The following RTBDN variants were observed in gnomAD, a reference collection of about 807,000 sequenced individuals.
RTBDN encodes retbindin.
Under a neutral mutation model 21.9 loss-of-function variants are expected in RTBDN, and 24 were observed. The observed-to-expected ratio is 1.10, with a 90% confidence interval of 0.79 to 1.54. The LOEUF is 1.54. Ranked by LOEUF, RTBDN falls within the 40% of genes most tolerant of loss-of-function variation. The probability of loss-of-function intolerance (pLI) is 0.00; values close to 1 mark genes in which losing one functional copy is unlikely to be tolerated. For missense variants in RTBDN, 325 were observed against 315.2 expected (o/e 1.03, Z -0.23); for synonymous variants, 141 against 125.9 (o/e 1.12, Z -0.80).
At chr19:12,826,696 GAAATAAATAAAT>G (rs149645338) in intron 5 of RTBDN, 67 bp downstream of exon 5, 4 of 1,039,164 alleles carry the variant, frequency 3.8e-6, no homozygotes, top group Non-Finnish European at 5.7e-6. Context: ...CTCCGTCTCA[GAAATAAATAAAT>G]AAATAAATAA....
intron 5 of RTBDN, 159 bp downstream of exon 5, chr19:12,826,616 C>T (rs778560045): frequency 4.2e-6 from 3 of 706,846 alleles, no homozygotes; most frequent in Non-Finnish European, 6.9e-6. Flanking sequence ...ATCACTTGAA[C>T]CCCGGAGGCG....
At position 12,830,913 on chromosome 19, in the gene RTBDN, C is replaced by G. The variant is rs896422607; in HGVS notation, c.-18-916G>C. Among the ~76,000 whole-genome samples the G allele has an allele frequency of 2.0e-5, 3 of 148,706 alleles. No individual in the cohort carries two copies. Among genetic ancestry groups the G allele is most frequent in the African/African-American group, 7.5e-5 (3 of 40,074 alleles). ...GTGGCCTATAGCCTGTGTGTGTTCC[C>G]AGGCACCTGTGTCTTTTGTTTGTGT... On this transcript the variant is annotated intron_variant, in intron 1 of 5. Transcript: ENST00000674343. The surrounding 1 kb of genome is among the most constrained non-coding windows in gnomAD (Gnocchi z 4.2).
chr19:12,831,016 T>TTGTG (rs56204944), intron 1 of RTBDN, among the ~76,000 whole-genome samples: 4,645 of 132,392 alleles, frequency 0.035, 111 homozygotes, highest in Admixed American at 0.058. Context: ...GGTGGAGTGG[T>TTGTG]TGTGTGTGTG....
At chr19:12,835,363 G>A (rs1599570721), upstream of RTBDN, 3 of 500,014 alleles carry the variant, frequency 6.0e-6, no homozygotes, top group East Asian at 6.5e-5. Context: ...AGAGAAGGGA[G>A]GCAGCTGCGG....
At position 12,828,878 on chromosome 19, in the gene RTBDN, G is replaced by C. The variant is rs142720998; in HGVS notation, c.245C>G (p.Pro82Arg). ...AGGGTGCTGTACTCACTCAGGGCTC[G>C]GCACTCCACAGCGTTCTGGATGGTT... ...PGNHPERCGV[P>R]SPECESFLEH... Residue 82 changes from proline to arginine, a missense_variant, in exon 3 of 6, where the codon CCG becomes CGG. Transcript: ENST00000674343. 7.7e-5 allele frequency: 125 copies of C among 1,614,084 alleles called. No homozygotes were observed. The highest frequency in any genetic ancestry group is 1.2e-4 in the Admixed American group (7 of 60,000).
At position 12,830,490 on chromosome 19, in the gene RTBDN, C is replaced by A; in HGVS notation, c.-18-493G>T. 5.1e-6 allele frequency: 5 copies of A among 985,996 alleles called. No homozygotes were observed. The highest frequency in any genetic ancestry group is 4.8e-6 in the Non-Finnish European group (4 of 830,244). The allele number at this position is 985,996 out of a possible 1,614,324, so 61.1% of individuals were successfully genotyped here. On this transcript the variant is annotated intron_variant, in intron 1 of 5. Coordinates refer to ENST00000674343, the MANE Select transcript of RTBDN (RefSeq NM_001270441.2). The surrounding 1 kb of genome is among the most constrained non-coding windows in gnomAD (Gnocchi z 4.2). ...CCACCCAGAGCTGGACCTTTGGGAC[C>A]AAGGCTGGTGTGGCAGGGCTCAGGT...
chr19:12,834,053 C>T lies in RTBDN; in HGVS notation c.-19+436G>A, dbSNP rs908698211. On this transcript the variant is annotated intron_variant, in intron 1 of 5. Transcript: ENST00000674343. The surrounding 1 kb of genome is among the most constrained non-coding windows in gnomAD (Gnocchi z 4.7). ...GGGTGGAGAGGAAGGGGTCGGCGCC[C>T]TGGGGCGGGGCTGGGCAGGAGGCGG... The T allele has an allele frequency of 2.5e-6, 1 of 398,430 alleles. No homozygotes were observed. The highest frequency in any genetic ancestry group is 4.4e-6 in the Non-Finnish European group (1 of 226,028). 24.7% of individuals were successfully genotyped at this position (398,430 alleles called of 1,614,324 possible).
chr19:12,826,818 G>C lies in RTBDN; in HGVS notation c.419C>G (p.Ser140Ter). 6.4e-7 allele frequency: 1 copy of C among 1,555,462 alleles called. No individual in the cohort carries two copies. Among genetic ancestry groups the C allele is most frequent in the South Asian group, 1.2e-5 (1 of 84,266 alleles). ...GCTGGGCTCACAGCCCCTTTTTTCT[G>C]AGAGTGGGAGCCAAGTCGGGCCGCA... The part of the protein sequence containing the change: ...ITCGPTWLPL[S>*]EKRGCEPSCL... The change falls in exon 5 of 6, where the codon TCA becomes TGA. Residue 140 changes from serine to a stop codon, truncating the protein, a stop_gained. Coordinates refer to ENST00000674343, the MANE Select transcript of RTBDN (RefSeq NM_001270441.2). LOFTEE classifies it low-confidence loss of function (END_TRUNC).
Position 12,830,941 on chromosome 19 carries a change from C to CTG in RTBDN, c.-18-946_-18-945dup, listed in dbSNP as rs1000667526. Among the ~76,000 whole-genome samples, 10 of 142,306 alleles carry CTG rather than the reference C, an allele frequency of 7.0e-5. No individual in the cohort carries two copies. The highest frequency in any genetic ancestry group is 2.7e-4 in the African/African-American group (10 of 37,660). The allele number at this position is 142,306 out of a possible 152,430, so 93.4% of individuals were successfully genotyped here. A position where few individuals can be genotyped will look rare whatever the true frequency, so the allele number is the denominator to read the frequency against. ...GCACCTGTGTCTTTTGTTTGTGTGGCTGTGTGTGTGTTGAGCATGTATGTG... is the reference window on the plus strand; with the variant it reads ...GCACCTGTGTCTTTTGTTTGTGTGGCTGTGTGTGTGTGTTGAGCATGTATGTG... On this transcript the variant is annotated intron_variant, in intron 1 of 5. Coordinates refer to ENST00000674343, the MANE Select transcript of RTBDN (RefSeq NM_001270441.2). The surrounding 1 kb of genome is among the most constrained non-coding windows in gnomAD (Gnocchi z 4.2).
Position 12,829,959 on chromosome 19 carries a change from C to A in RTBDN, c.21G>T (p.Met7Ile). Residue 7 changes from methionine to isoleucine, a missense_variant, in exon 2 of 6, where the codon ATG becomes ATT. Transcript: ENST00000674343. ...GCACCCACGTCAGGCCGATGGGTCG[C>A]ATGTGGACCCTGCAGTCCATGTCCA... MDCRVH[M>I]RPIGLTWVLQ... 6.2e-7 allele frequency: 1 copy of A among 1,613,052 alleles called. No individual in the cohort carries two copies.
rs1280246588 is a variant in RTBDN, at chr19:12,830,201, A to G, written c.-18-204T>C. The G allele has an allele frequency of 1.5e-6, 2 of 1,316,648 alleles. No individual in the cohort carries two copies. The highest frequency in any genetic ancestry group is 2.0e-6 in the Non-Finnish European group (2 of 1,020,090). The allele number at this position is 1,316,648 out of a possible 1,614,324, so 81.6% of individuals were successfully genotyped here. ...TAGGAGCCCCCCTCCCATCAGAACC[A>G]TGTCCTCTATGTCCCTTCAGTGCCA... is the stretch of plus-strand genomic sequence containing the variant. On this transcript the variant is annotated intron_variant, in intron 1 of 5. Transcript: ENST00000674343. This position sits in a 1 kb window ranked among gnomAD's most constrained non-coding sequence, Gnocchi z 4.2.
intron 5 of RTBDN, 78 bp from the exon 6 acceptor site, chr19:12,826,011 G>A: frequency 6.9e-7 from 1 of 1,455,130 alleles, no homozygotes; most frequent in South Asian, 1.4e-5. Flanking sequence ...AGGGAAAAAT[G>A]TGTAAATTCC....
At chr19:12,835,420 C>G, upstream of RTBDN, 1 of 330,760 alleles carries the variant, frequency 3.0e-6, no homozygotes, top group South Asian at 5.1e-5. Flanking sequence ...TCCGCGCCGT[C>G]GGGTTTCTGA....
rs1300395576 is a variant in RTBDN at position 12,830,475 on chromosome 19, C to T, written c.-18-478G>A. On this transcript the variant is annotated intron_variant, in intron 1 of 5. Coordinates refer to ENST00000674343, the MANE Select transcript of RTBDN (RefSeq NM_001270441.2). This position sits in a 1 kb window ranked among gnomAD's most constrained non-coding sequence, Gnocchi z 4.2. ...CAATCGGCTTAGGGGCCACCCAGAG[C>T]TGGACCTTTGGGACCAAGGCTGGTG... 5 of 986,668 alleles carry T rather than the reference C, an allele frequency of 5.1e-6. No individual in the cohort carries two copies. Among genetic ancestry groups the T allele is most frequent in the Non-Finnish European group, 6.0e-6 (5 of 830,826 alleles). The allele number at this position is 986,668 out of a possible 1,614,324, so 61.1% of individuals were successfully genotyped here.
intron 1 of RTBDN, chr19:12,832,999 G>A (rs1969632547): frequency 6.6e-6 from 1 of 152,250 alleles, no homozygotes; most frequent in East Asian, 1.9e-4. Flanking sequence ...ATGGAGGAGC[G>A]GCGAGGGAGC....
chr19:12,827,236 T>C (rs1187772815), intron 4 of RTBDN, among the ~76,000 whole-genome samples: 1 of 151,974 alleles, frequency 6.6e-6, no homozygotes, highest in Non-Finnish European at 1.5e-5. Context: ...TTATGGCAGC[T>C]TTGACCTCCC....
rs570062666 is a variant in RTBDN at position 12,834,155 on chromosome 19, G to A, written c.-19+334C>T. 7.2e-4 allele frequency: 290 copies of A among 401,672 alleles called. 1 individual carries two copies. The highest frequency in any genetic ancestry group is 1.1e-3 in the Non-Finnish European group (241 of 228,096). 24.9% of individuals were successfully genotyped at this position (401,672 alleles called of 1,614,324 possible). A position where few individuals can be genotyped will look rare whatever the true frequency, so the allele number is the denominator to read the frequency against. On this transcript the variant is annotated intron_variant, in intron 1 of 5. Transcript: ENST00000674343. This position sits in a 1 kb window ranked among gnomAD's most constrained non-coding sequence, Gnocchi z 4.7. Reference sequence around the variant, plus strand: ...GCTAACCGCGGGGAACGCTGTGGCCGCGCGTCCCGCCGCGCTGGGGACCCC... The same window carrying A: ...GCTAACCGCGGGGAACGCTGTGGCCACGCGTCCCGCCGCGCTGGGGACCCC...
In RTBDN at chr19:12,830,477, G is replaced by T. The variant is rs1418227565; in HGVS notation, c.-18-480C>A. 1 of 986,278 alleles carries T rather than the reference G, an allele frequency of 1.0e-6. No homozygotes were observed. The highest frequency in any genetic ancestry group is 1.2e-6 in the Non-Finnish European group (1 of 830,560). The allele number at this position is 986,278 out of a possible 1,614,324, so 61.1% of individuals were successfully genotyped here. The stretch of plus-strand genomic sequence containing the variant: ...ATCGGCTTAGGGGCCACCCAGAGCT[G>T]GACCTTTGGGACCAAGGCTGGTGTG... On this transcript the variant is annotated intron_variant, in intron 1 of 5. Transcript: ENST00000674343. The surrounding 1 kb of genome is among the most constrained non-coding windows in gnomAD (Gnocchi z 4.2).
Position 12,830,364 on chromosome 19 carries a change from T to C in RTBDN, c.-18-367A>G. 1 of 1,008,030 alleles carries C rather than the reference T, an allele frequency of 9.9e-7. No individual in the cohort carries two copies. Among genetic ancestry groups the C allele is most frequent in the Non-Finnish European group, 1.2e-6 (1 of 844,824 alleles). 62.4% of individuals were successfully genotyped at this position (1,008,030 alleles called of 1,614,324 possible). ...CTTCCAATCCCCCTCTCCTGTTCAGTAATTCCTCCCTCTCTTCTATGCGGC... is the reference window on the plus strand; with the variant it reads ...CTTCCAATCCCCCTCTCCTGTTCAGCAATTCCTCCCTCTCTTCTATGCGGC... On this transcript the variant is annotated intron_variant, in intron 1 of 5. Coordinates refer to ENST00000674343, the MANE Select transcript of RTBDN (RefSeq NM_001270441.2). The surrounding 1 kb of genome is among the most constrained non-coding windows in gnomAD (Gnocchi z 4.2).
Sources: allele counts gnomAD v4.1 joint callset (sites outside exome capture counted in the v4.1 genomes callset), GRCh38; gene constraint gnomAD v4.1.1; non-coding constraint Gnocchi (gnomAD v3.1); transcripts MANE v1.5; gene names NCBI Gene and HGNC (gene_info 2026-07-23, HGNC 2026-07-21).